Variants in HK1 observed in about 807,000 individuals in gnomAD.
The protein encoded by HK1 is hexokinase 1.
In HK1, 28 loss-of-function variants were observed where a neutral mutation model predicts 91.6. The observed-to-expected ratio is 0.31, with a 90% CI of 0.23 to 0.42. HK1 has a LOEUF of 0.42. Among genes scored for constraint, HK1 ranks in the 10% least tolerant of loss-of-function variants. The pLI is 1.00. For synonymous variants in HK1, 430 were observed against 468.1 expected, an observed-to-expected ratio of 0.92 and a Z score of 1.05; for missense variants, 770 against 1,219.8, an observed-to-expected ratio of 0.63 and a Z score of 5.49.
At chr10:69,388,524 C>T (rs1231037142) in intron 13 of HK1, among the ~76,000 whole-genome samples, 6 of 149,476 alleles carry the variant, frequency 4.0e-5, no homozygotes, top group Non-Finnish European at 5.9e-5. Flanking sequence ...AGCTTGCTTT[C>T]CATGCATATG....
chr10:69,360,078 G>A (rs369824032), intron 3 of HK1, 33 bp downstream of exon 3: 975 of 1,609,318 alleles, frequency 6.1e-4, no homozygotes, highest in Non-Finnish European at 7.9e-4. Context: ...TCACCCCGTC[G>A]GGCCAGCATC....
At chr10:69,302,877 G>A (rs1031389767) in intron 5 of HK1, among the ~76,000 whole-genome samples, 8 of 152,132 alleles carry the variant, frequency 5.3e-5, no homozygotes, top group African/African-American at 1.4e-4. Context: ...GCCCATGGGA[G>A]TGGAAGGAGT....
intron 5 of HK1, among the ~76,000 whole-genome samples, chr10:69,302,674 G>A (rs889620406): frequency 1.3e-5 from 2 of 150,314 alleles, no homozygotes; most frequent in African/African-American, 4.9e-5. Context: ...AGGATCACTT[G>A]GGCCCTGGAA....
chr10:69,382,486 G>A lies in HK1; in HGVS notation c.1266-1G>A. The A allele has an allele frequency of 6.2e-7, 1 of 1,614,180 alleles. No homozygotes were observed. The highest frequency in any genetic ancestry group is 8.5e-7 in the Non-Finnish European group (1 of 1,180,004). On this transcript the variant is annotated splice_acceptor_variant, in intron 9 of 17. Transcript: ENST00000359426. LOFTEE classifies it high-confidence loss of function. ...TGGAATGTCCCCCCTGCCCCCATAA[G>A]GTATTCCCGGCGTTTCCACAAGACT...
chr10:69,299,306 G>T (rs1301969396), intron 4 of HK1, among the ~76,000 whole-genome samples: 1 of 151,598 alleles, frequency 6.6e-6, no homozygotes, highest in Non-Finnish European at 1.5e-5. Context: ...CAAGTAGCTG[G>T]GACTACAGCC....
In HK1 at chr10:69,398,589, C is replaced by T; in HGVS notation, c.2376-6C>T. ...CATCCAGCCCTCTGGCTCTTGTCCC[C>T]CACAGTGACCGATTAGCACTGCTCC... On this transcript the variant is annotated splice_polypyrimidine_tract_variant and splice_region_variant and intron_variant, in intron 16 of 17. Coordinates refer to ENST00000359426, the MANE Select transcript of HK1 (RefSeq NM_000188.3). 6.2e-7 allele frequency: 1 copy of T among 1,611,714 alleles called. No homozygotes were observed. The highest frequency in any genetic ancestry group is 1.1e-5 in the South Asian group (1 of 90,802).
chr10:69,349,430 C>G (rs1041872932), intron 2 of HK1, among the ~76,000 whole-genome samples: 1 of 152,200 alleles, frequency 6.6e-6, no homozygotes. Flanking sequence ...GATATAATAA[C>G]TGGCTTTGGA....
At chr10:69,318,695 G>T, upstream of HK1, 1 of 575,688 alleles carries the variant, frequency 1.7e-6, no homozygotes, top group Non-Finnish European at 2.7e-6. Flanking sequence ...CGCCACCGCC[G>T]GGCGTTGCAG....
intron 10 of HK1, among the ~76,000 whole-genome samples, chr10:69,383,674 G>C (rs1839500008): frequency 6.6e-6 from 1 of 152,276 alleles, no homozygotes; most frequent in Admixed American, 6.5e-5. Context: ...CTGGGAGGCA[G>C]ATCTCAGACG....
intron 2 of HK1, among the ~76,000 whole-genome samples, chr10:69,351,197 A>G (rs1848849601): frequency 6.7e-6 from 1 of 148,470 alleles, no homozygotes; most frequent in Non-Finnish European, 1.5e-5. Context: ...ATAAATAAAT[A>G]AATAAATAAA....
chr10:69,273,937 CTGTT>C (rs1844312056), intron 1 of HK1, among the ~76,000 whole-genome samples: 1 of 151,978 alleles, frequency 6.6e-6, no homozygotes, highest in Admixed American at 6.6e-5. Context: ...ACCTGTAGGA[CTGTT>C]TGTGTTGTCT....
intron 2 of HK1, among the ~76,000 whole-genome samples, chr10:69,286,711 G>C (rs1380224319): frequency 6.6e-6 from 1 of 151,844 alleles, no homozygotes; most frequent in East Asian, 1.9e-4. Flanking sequence ...ACCATGCCCG[G>C]CTAATTTTTT....
rs1429060111 is a variant in HK1, at chr10:69,388,969, A to AAAC, written c.1936-227_1936-226insACA. Among the ~76,000 whole-genome samples the AAAC allele has an allele frequency of 2.4e-3, 360 of 152,266 alleles. 1 individual carries two copies. The highest frequency in any genetic ancestry group is 8.1e-3 in the African/African-American group (335 of 41,532). On this transcript the variant is annotated intron_variant, in intron 13 of 17. Coordinates refer to ENST00000359426, the MANE Select transcript of HK1 (RefSeq NM_000188.3). The stretch of plus-strand genomic sequence containing the variant: ...CCTCTAATAGTATCATCATCTGTAA[A>AAAC]ATGGGTAGAATACTTTCCCTTCCTT...
In HK1 at chr10:69,365,431, T is replaced by C. The variant is rs549392265; in HGVS notation, c.495+529T>C. Among the ~76,000 whole-genome samples, 145 of 152,290 alleles carry C rather than the reference T, an allele frequency of 9.5e-4. 2 individuals are homozygous for C. The highest frequency in any genetic ancestry group is 3.3e-3 in the African/African-American group (137 of 41,564). On this transcript the variant is annotated intron_variant, in intron 4 of 17. Coordinates refer to ENST00000359426, the MANE Select transcript of HK1 (RefSeq NM_000188.3). ...TCTATTTGTTTTTTCATTCGTTCATTCATTCAGCAAGGATGGACTGTGATG... is the reference window on the plus strand; with the variant it reads ...TCTATTTGTTTTTTCATTCGTTCATCCATTCAGCAAGGATGGACTGTGATG...
chr10:69,392,154 G>A lies in HK1; in HGVS notation c.2065G>A (p.Glu689Lys). The change falls in exon 15 of 18, where the codon GAG becomes AAG. Residue 689 changes from glutamate to lysine, a missense_variant. Around this residue, in one of 7 missense-constraint regions of HK1, gnomAD observed 152 missense variants for 211.1 expected, o/e 0.72. Coordinates refer to ENST00000359426, the MANE Select transcript of HK1 (RefSeq NM_000188.3). ...CGGCAGCAATGCCTGCTACATGGAG[G>A]AGATGAAGAACGTGGAGATGGTGGA... ...GTGSNACYME[E>K]MKNVEMVEGD... is the part of the protein sequence containing the mutation. The A allele has an allele frequency of 6.2e-7, 1 of 1,614,232 alleles. No homozygotes were observed. Among genetic ancestry groups the A allele is most frequent in the Non-Finnish European group, 8.5e-7 (1 of 1,180,048 alleles).
chr10:69,291,880 G>A (rs1180973376), intron 3 of HK1, among the ~76,000 whole-genome samples: 1 of 152,052 alleles, frequency 6.6e-6, no homozygotes, highest in African/African-American at 2.4e-5. Context: ...TCTCATGTAG[G>A]CTTGGAAGTA....
rs745346325 is a variant in HK1 at position 69,401,168 on chromosome 10, G to A, written c.*33G>A. 3 of 1,605,316 alleles carry A rather than the reference G, an allele frequency of 1.9e-6. No individual in the cohort carries two copies. The highest frequency in any genetic ancestry group is 2.5e-6 in the Non-Finnish European group (3 of 1,177,012). On this transcript the variant is annotated 3_prime_UTR_variant, in exon 18 of 18. Transcript: ENST00000359426. Reference sequence around the variant, plus strand: ...GGATCCCCAGCCTACTGCCTCTCCAGCACTTCTCTCTTCAAGCGGCGACCC... The same window carrying A: ...GGATCCCCAGCCTACTGCCTCTCCAACACTTCTCTCTTCAAGCGGCGACCC...
At chr10:69,318,833 C>T (rs1054456117), upstream of HK1, 2 of 1,456,644 alleles carry the variant, frequency 1.4e-6, no homozygotes, top group African/African-American at 1.5e-5. Context: ...GGGGAGGAGC[C>T]GGGGGAGGAG....
intron 2 of HK1, among the ~76,000 whole-genome samples, chr10:69,284,402 G>T (rs1844914171): frequency 6.6e-6 from 1 of 152,114 alleles, no homozygotes. Flanking sequence ...TGAATTTAAT[G>T]ACCTCCAAGA....
Sources: gnomAD v4.1 joint callset for allele counts (sites outside exome capture counted in the v4.1 genomes callset) on GRCh38, gnomAD v4.1.1 for gene constraint, gnomAD v4.1.1 regional missense constraint, MANE v1.5 for transcripts, NCBI Gene and HGNC (gene_info 2026-07-23, HGNC 2026-07-21) for gene names.